The following PRKAG2 variants were observed in gnomAD, a reference collection of about 807,000 sequenced individuals.
PRKAG2 encodes the protein protein kinase AMP-activated non-catalytic subunit gamma 2, also known as 5'-AMP-activated protein kinase subunit gamma-2.
PRKAG2 carries 26 observed loss-of-function variants against 69.6 expected under a neutral mutation model. That is an observed-to-expected ratio of 0.37 (90% CI 0.27 to 0.52). PRKAG2 has a LOEUF of 0.52. Ranked by LOEUF, PRKAG2 falls within the 20% of genes least tolerant of loss-of-function variation. The pLI, the probability that PRKAG2 is intolerant of heterozygous loss-of-function variation, is 0.90. For missense variants in PRKAG2, 557 were observed against 740.0 expected (o/e 0.75, Z 2.87); for synonymous variants, 293 against 285.0 (o/e 1.03, Z -0.28).
rs1860742 is a variant in PRKAG2 at position 151,734,482 on chromosome 7, G to A, written c.466+46670C>T. 7.2e-3 allele frequency among the ~76,000 whole-genome samples: 1,102 copies of A among 152,318 alleles called. 77 individuals are homozygous for A. The East Asian group carries it at 0.17, about 23-fold the overall frequency. ...ACAGCACTGGGGTAGGGGTCCTGCT[G>A]TTCCATCTTGCAGTGGGCTCTTCAG... On this transcript the variant is annotated intron_variant, in intron 3 of 15. Coordinates refer to ENST00000287878, the MANE Select transcript of PRKAG2 (RefSeq NM_016203.4).
rs1832758571 is a variant in PRKAG2 at position 151,675,431 on chromosome 7, G to T, written c.673C>A (p.Pro225Thr). The T allele has an allele frequency of 6.2e-7, 1 of 1,613,936 alleles. No individual in the cohort carries two copies. Among genetic ancestry groups the T allele is most frequent in the Non-Finnish European group, 8.5e-7 (1 of 1,179,952 alleles). ...PPLASPTHYA[P>T]SKAAALAAAL... ...GGGCCCAGACTTACGGCTTTGGAGG[G>T]AGCATAGTGTGTCGGTGATGCCAGT... is the stretch of plus-strand genomic sequence containing the variant. The change falls in exon 4 of 16, where the codon CCC becomes ACC. Residue 225 changes from proline (P) to threonine (T), a missense_variant. By Grantham distance (38) the Pro-to-Thr change is conservative. Around this residue, in one of 2 missense-constraint regions of PRKAG2, gnomAD observed 352 missense variants for 356.7 expected, o/e 0.99. Transcript: ENST00000287878.
rs377013811 is a variant in PRKAG2, at chr7:151,807,525, C to G, written c.115-20984G>C. ...CACACTGCCCCTTCTTCCCAACCTA[C>G]GAGCTGAAATGGCCAGCACTGCGCC... On this transcript the variant is annotated intron_variant, in intron 1 of 15. Coordinates refer to ENST00000287878, the MANE Select transcript of PRKAG2 (RefSeq NM_016203.4). The surrounding 1 kb of genome is among the most constrained non-coding windows in gnomAD (Gnocchi z 4.4). The G allele has an allele frequency of 6.6e-6, 3 of 457,744 alleles. No homozygotes were observed. Among genetic ancestry groups the G allele is most frequent in the African/African-American group, 2.0e-5 (1 of 50,076 alleles). The allele number at this position is 457,744 out of a possible 1,614,324, so 28.4% of individuals were successfully genotyped here.
intron 3 of PRKAG2, among the ~76,000 whole-genome samples, chr7:151,730,024 G>A (rs1406993881): frequency 1.3e-5 from 2 of 152,242 alleles, no homozygotes; most frequent in Admixed American, 1.3e-4. Context: ...CTGGGGTCAG[G>A]GGAGTGGGGA....
In PRKAG2 at chr7:151,561,932, T is replaced by TGA. The variant is rs1554451530; in HGVS notation, c.1585-1316_1585-1315insTC. ...TGGGCGACAGAGCGAGACTGTGTCT[T>TGA]AAAAAAAAAAAAAAAAAGGCTTTGG... On this transcript the variant is annotated intron_variant, in intron 14 of 15. Transcript: ENST00000287878. Among the ~76,000 whole-genome samples, 28 of 81,782 alleles carry TGA rather than the reference T, an allele frequency of 3.4e-4. 1 individual carries two copies. The highest frequency in any genetic ancestry group is 9.8e-4 in the African/African-American group (24 of 24,390). The allele number at this position is 81,782 out of a possible 152,430, so 53.7% of individuals were successfully genotyped here. A position where few individuals can be genotyped will look rare whatever the true frequency, so the allele number is the denominator to read the frequency against.
intron 2 of PRKAG2, among the ~76,000 whole-genome samples, chr7:151,782,364 G>GAAA (rs2076746517): frequency 1.3e-4 from 6 of 46,762 alleles, no homozygotes; most frequent in East Asian, 5.9e-4. Flanking sequence ...AGGGAGGGAG[G>GAAA]GAGGGAGGGA....
intron 5 of PRKAG2, among the ~76,000 whole-genome samples, chr7:151,612,220 T>A (rs189278238): frequency 6.6e-6 from 1 of 152,130 alleles, no homozygotes; most frequent in Non-Finnish European, 1.5e-5. Context: ...AGGATGCCCA[T>A]CCTCTGCTGA....
chr7:151,572,967 GC>G (rs1223249643), intron 8 of PRKAG2, among the ~76,000 whole-genome samples: 1 of 151,954 alleles, frequency 6.6e-6, no homozygotes, highest in Non-Finnish European at 1.5e-5. Flanking sequence ...ACAAAAATTA[GC>G]CAGGCATATT....
chr7:151,781,532 C>A lies in PRKAG2; in HGVS notation c.187-101G>T. 7.2e-7 allele frequency: 1 copy of A among 1,387,588 alleles called. No homozygotes were observed. The highest frequency in any genetic ancestry group is 9.9e-7 in the Non-Finnish European group (1 of 1,013,870). The allele number at this position is 1,387,588 out of a possible 1,614,324, so 86.0% of individuals were successfully genotyped here. ...TCATTGTCCTCTCTCACATGCGGGC[C>A]CCCCATAGTACCCTCCCAGAGAAAC... On this transcript the variant is annotated intron_variant, in intron 2 of 15. Coordinates refer to ENST00000287878, the MANE Select transcript of PRKAG2 (RefSeq NM_016203.4). This position sits in a 1 kb window ranked among gnomAD's most constrained non-coding sequence, Gnocchi z 6.1.
At chr7:151,733,713 T>G (rs528273453) in intron 3 of PRKAG2, among the ~76,000 whole-genome samples, 127 of 152,106 alleles carry the variant, frequency 8.3e-4, no homozygotes, top group Admixed American at 2.9e-3. Context: ...CCATTTTTTT[T>G]TTTTTGAGGG....
chr7:151,610,142 G>C (rs1349704119), intron 5 of PRKAG2, among the ~76,000 whole-genome samples: 2 of 152,174 alleles, frequency 1.3e-5, no homozygotes, highest in African/African-American at 4.8e-5. Context: ...GAGGTGGGCG[G>C]AACACGAGGT....
intron 3 of PRKAG2, among the ~76,000 whole-genome samples, chr7:151,763,142 G>A (rs952580202): frequency 2.0e-5 from 3 of 152,172 alleles, no homozygotes; most frequent in African/African-American, 7.2e-5. Flanking sequence ...CTACCAGCTC[G>A]CCTTAATTGT....
chr7:151,866,637 T>C (rs60575167), intron 1 of PRKAG2, among the ~76,000 whole-genome samples: 2,336 of 152,228 alleles, frequency 0.015, 49 homozygotes, highest in African/African-American at 0.054. Context: ...CTCTCTGGGG[T>C]GCTTATTACA....
intron 3 of PRKAG2, among the ~76,000 whole-genome samples, chr7:151,767,765 G>C (rs1330563543): frequency 6.6e-6 from 1 of 152,228 alleles, no homozygotes; most frequent in Non-Finnish European, 1.5e-5. Flanking sequence ...TCTGTGACGT[G>C]AGTCATTACT....
At chr7:151,695,222 G>A (rs1395631235) in intron 3 of PRKAG2, among the ~76,000 whole-genome samples, 2 of 152,196 alleles carry the variant, frequency 1.3e-5, no homozygotes, top group African/African-American at 2.4e-5. Flanking sequence ...AAATTGAAGC[G>A]ACAGTCACCT....
chr7:151,618,899 CT>C (rs1820816818), intron 5 of PRKAG2, among the ~76,000 whole-genome samples: 1 of 152,176 alleles, frequency 6.6e-6, no homozygotes, highest in Non-Finnish European at 1.5e-5. Context: ...AAGTCTGTTA[CT>C]TTTTTTCCCC....
intron 1 of PRKAG2, among the ~76,000 whole-genome samples, chr7:151,806,276 A>C (rs924293298): frequency 6.6e-6 from 1 of 152,250 alleles, no homozygotes; most frequent in Admixed American, 6.5e-5. Context: ...GTGAACTCCT[A>C]AATTGCTCAA....
At chr7:151,599,305 C>A (rs1026319148) in intron 5 of PRKAG2, among the ~76,000 whole-genome samples, 24 of 152,092 alleles carry the variant, frequency 1.6e-4, no homozygotes, top group African/African-American at 5.8e-4. Context: ...TATCACAATG[C>A]CTTGATTTTG....
At chr7:151,678,456 T>A (rs2727541) in intron 3 of PRKAG2, among the ~76,000 whole-genome samples, 1 of 151,818 alleles carries the variant, frequency 6.6e-6, no homozygotes, top group Admixed American at 6.6e-5. Flanking sequence ...TTTTGTTTTG[T>A]GTGTCCGGGG....
At chr7:151,590,348 C>T (rs1410822591) in intron 6 of PRKAG2, among the ~76,000 whole-genome samples, 1 of 152,226 alleles carries the variant, frequency 6.6e-6, no homozygotes, top group African/African-American at 2.4e-5. Context: ...TTTCCAAAAT[C>T]AAACACAAAG....
Sources: gnomAD v4.1 joint callset for allele counts (sites outside exome capture counted in the v4.1 genomes callset) on GRCh38, gnomAD v4.1.1 for gene constraint, gnomAD v4.1.1 regional missense constraint, Gnocchi (gnomAD v3.1) non-coding constraint, MANE v1.5 for transcripts, NCBI Gene and HGNC (gene_info 2026-07-23, HGNC 2026-07-21) for gene names.